ST6GALNAC3: variants seen among roughly 807,000 people sequenced by gnomAD.
The protein encoded by ST6GALNAC3 is ST6 N-acetylgalactosaminide alpha-2,6-sialyltransferase 3, also known as alpha-N-acetylgalactosaminide alpha-2,6-sialyltransferase 3.
In ST6GALNAC3, 25 loss-of-function variants were observed where a neutral mutation model predicts 32.7. That is an observed-to-expected ratio of 0.76 (90% CI 0.56 to 1.07). The LOEUF is 1.07. Ranked by LOEUF, ST6GALNAC3 falls within the 50% of genes least tolerant of loss-of-function variation. The pLI is 0.00. For missense variants in ST6GALNAC3, 355 were observed against 382.4 expected (o/e 0.93, Z 0.60); for synonymous variants, 129 against 133.1 (o/e 0.97, Z 0.21).
chr1:76,200,800 A>G (rs1266974427), intron 1 of ST6GALNAC3, among the ~76,000 whole-genome samples: 1 of 152,264 alleles, frequency 6.6e-6, no homozygotes, highest in East Asian at 1.9e-4. Flanking sequence ...CTAGGAATCC[A>G]GGCCATTTGC....
intron 1 of ST6GALNAC3, among the ~76,000 whole-genome samples, chr1:76,092,709 C>T (rs1194433553): frequency 2.0e-5 from 3 of 152,182 alleles, no homozygotes; most frequent in Non-Finnish European, 4.4e-5. Context: ...TAATTTTGAA[C>T]AAGGGCCCTG....
intron 1 of ST6GALNAC3, among the ~76,000 whole-genome samples, chr1:76,149,422 T>A (rs1050992145): frequency 1.3e-5 from 2 of 152,204 alleles, no homozygotes; most frequent in African/African-American, 4.8e-5. Context: ...AGCAGACCTA[T>A]AAGCAAAGGA....
intron 3 of ST6GALNAC3, among the ~76,000 whole-genome samples, chr1:76,468,354 C>G (rs1658790250): frequency 6.6e-6 from 1 of 151,992 alleles, no homozygotes; most frequent in Non-Finnish European, 1.5e-5. Context: ...ATTGAAGAGT[C>G]TGTTGTTAGC....
chr1:76,321,961 T>C (rs1646975649), intron 2 of ST6GALNAC3, among the ~76,000 whole-genome samples: 1 of 152,174 alleles, frequency 6.6e-6, no homozygotes, highest in Non-Finnish European at 1.5e-5. Context: ...GAAAAATCCA[T>C]TATTATCATA....
chr1:76,552,757 T>C lies in ST6GALNAC3; in HGVS notation c.624-74695T>C, dbSNP rs183844744. On this transcript the variant is annotated intron_variant, in intron 3 of 4. Coordinates refer to ENST00000328299, the MANE Select transcript of ST6GALNAC3 (RefSeq NM_152996.4). ...ATTTTTCTTTTCTTAAAATGTTGACTAAGAACTCCTAACAGCATTAAAGAG... is the reference window on the plus strand; with the variant it reads ...ATTTTTCTTTTCTTAAAATGTTGACCAAGAACTCCTAACAGCATTAAAGAG... 3.7e-4 allele frequency among the ~76,000 whole-genome samples: 56 copies of C among 152,320 alleles called. No homozygotes were observed. In the East Asian group the frequency reaches 0.01, roughly 28 times the overall value.
At chr1:76,188,370 A>C (rs1045913286) in intron 1 of ST6GALNAC3, among the ~76,000 whole-genome samples, 2 of 152,196 alleles carry the variant, frequency 1.3e-5, no homozygotes, top group Admixed American at 6.5e-5. Flanking sequence ...TCAAAAAAAA[A>C]CATCTGTATG....
At chr1:76,578,263 C>T (rs1374948556) in intron 3 of ST6GALNAC3, among the ~76,000 whole-genome samples, 1 of 151,970 alleles carries the variant, frequency 6.6e-6, no homozygotes, top group South Asian at 2.1e-4. Context: ...TTGAAACATG[C>T]TAATTTTCTT....
chr1:76,184,361 A>G (rs1261891605), intron 1 of ST6GALNAC3, among the ~76,000 whole-genome samples: 2 of 152,134 alleles, frequency 1.3e-5, no homozygotes, highest in Admixed American at 6.5e-5. Flanking sequence ...CAACATAGTG[A>G]AACCCTGTCT....
At chr1:76,079,694 T>G (rs1417710806) in intron 1 of ST6GALNAC3, among the ~76,000 whole-genome samples, 1 of 152,180 alleles carries the variant, frequency 6.6e-6, no homozygotes, top group Admixed American at 6.5e-5. Context: ...GATACCAAGT[T>G]AGGAACTTGG....
At chr1:76,106,254 T>A (rs1647524162) in intron 1 of ST6GALNAC3, among the ~76,000 whole-genome samples, 1 of 152,238 alleles carries the variant, frequency 6.6e-6, no homozygotes, top group South Asian at 2.1e-4. Context: ...TTTGTAAGAC[T>A]AAAAATGTTG....
intron 1 of ST6GALNAC3, among the ~76,000 whole-genome samples, chr1:76,232,180 G>A (rs150197438): frequency 1.3e-5 from 2 of 152,182 alleles, no homozygotes; most frequent in African/African-American, 4.8e-5. Flanking sequence ...GTTGACGCTG[G>A]ACAGAAAGAA....
chr1:76,460,288 T>C (rs1331705852), intron 3 of ST6GALNAC3, among the ~76,000 whole-genome samples: 1 of 152,216 alleles, frequency 6.6e-6, no homozygotes, highest in Non-Finnish European at 1.5e-5. Context: ...TTTAGAGATA[T>C]GTCAAGTCTT....
At chr1:76,156,675 C>G (rs1474644898) in intron 1 of ST6GALNAC3, among the ~76,000 whole-genome samples, 1 of 152,138 alleles carries the variant, frequency 6.6e-6, no homozygotes, top group Non-Finnish European at 1.5e-5. Flanking sequence ...ACAAGATACT[C>G]CAGGATTATC....
At chr1:76,505,696 A>G (rs1010211725) in intron 3 of ST6GALNAC3, among the ~76,000 whole-genome samples, 4 of 152,214 alleles carry the variant, frequency 2.6e-5, no homozygotes, top group African/African-American at 4.8e-5. Context: ...CTGGCTGTGC[A>G]TTGCTTGAAA....
intron 2 of ST6GALNAC3, among the ~76,000 whole-genome samples, chr1:76,399,818 T>C (rs1267633304): frequency 6.6e-6 from 1 of 152,188 alleles, no homozygotes; most frequent in Non-Finnish European, 1.5e-5. Context: ...GACTTATTCC[T>C]AGGTATTTAA....
At chr1:76,446,860 C>T (rs1458686792) in intron 3 of ST6GALNAC3, among the ~76,000 whole-genome samples, 1 of 152,116 alleles carries the variant, frequency 6.6e-6, no homozygotes, top group Non-Finnish European at 1.5e-5. Flanking sequence ...ACTATAAGTC[C>T]ATTAAACCCT....
intron 1 of ST6GALNAC3, among the ~76,000 whole-genome samples, chr1:76,237,110 G>A (rs1656700142): frequency 6.6e-6 from 1 of 152,164 alleles, no homozygotes; most frequent in African/African-American, 2.4e-5. Flanking sequence ...TATGATGCGG[G>A]TGTGAAATAA....
chr1:76,379,828 A>G (rs551017574), intron 2 of ST6GALNAC3, among the ~76,000 whole-genome samples: 21 of 152,228 alleles, frequency 1.4e-4, no homozygotes, highest in Admixed American at 1.0e-3. Flanking sequence ...AAGCAAACAA[A>G]CAAACAAGCC....
chr1:76,329,475 A>G (rs1647145602), intron 2 of ST6GALNAC3, among the ~76,000 whole-genome samples: 2 of 152,152 alleles, frequency 1.3e-5, no homozygotes, highest in Non-Finnish European at 2.9e-5. Flanking sequence ...AATATATTCT[A>G]TATTGGCCAT....
Sources: gnomAD v4.1 joint callset for allele counts (sites outside exome capture counted in the v4.1 genomes callset) on GRCh38, gnomAD v4.1.1 for gene constraint, MANE v1.5 for transcripts, NCBI Gene and HGNC (gene_info 2026-07-23, HGNC 2026-07-21) for gene names.